The following IGF1R variants were observed in gnomAD, a reference collection of about 807,000 sequenced individuals.
The protein encoded by IGF1R is insulin-like growth factor 1 receptor.
IGF1R carries 44 observed loss-of-function variants against 144.6 expected under a neutral mutation model. That is an observed-to-expected ratio of 0.30 (90% confidence interval 0.24 to 0.39). The LOEUF is 0.39. IGF1R is among the 10% of genes least tolerant of loss of function. The pLI is 1.00. For missense variants in IGF1R, 1,355 were observed against 1,833.7 expected (o/e 0.74, Z 4.77); for synonymous variants, 795 against 722.8 (o/e 1.10, Z -1.60).
chr15:98,954,979 C>CA (rs2016922946), intron 20 of IGF1R, among the ~76,000 whole-genome samples: 1 of 152,106 alleles, frequency 6.6e-6, no homozygotes, highest in Non-Finnish European at 1.5e-5. Context: ...TTCCTTTTTC[C>CA]AGGATCGTTG....
chr15:98,720,388 G>C (rs1315037945), intron 2 of IGF1R, among the ~76,000 whole-genome samples: 1 of 152,168 alleles, frequency 6.6e-6, no homozygotes, highest in Non-Finnish European at 1.5e-5. Flanking sequence ...AGGTTGTTGG[G>C]GACCTCGGAT....
chr15:98,812,037 T>C (rs6598554), intron 2 of IGF1R, among the ~76,000 whole-genome samples: 63,718 of 152,192 alleles, frequency 0.42, 13,713 homozygotes, highest in Middle Eastern at 0.64. Context: ...GTTCTTTTAC[T>C]TGTTCTTTGT....
At chr15:98,752,055 G>A (rs142673556) in intron 2 of IGF1R, among the ~76,000 whole-genome samples, 3 of 152,322 alleles carry the variant, frequency 2.0e-5, no homozygotes, top group African/African-American at 7.2e-5. Flanking sequence ...CCTCTGTGCA[G>A]ACTTGTAGAC....
intron 1 of IGF1R, chr15:98,660,222 C>T (rs997250413): frequency 6.6e-6 from 1 of 152,224 alleles, no homozygotes; most frequent in African/African-American, 2.4e-5. Flanking sequence ...GTCTCTTTGT[C>T]TTGGCAGGTG....
At chr15:98,941,013 C>G (rs1029626676) in intron 18 of IGF1R, among the ~76,000 whole-genome samples, 2 of 152,246 alleles carry the variant, frequency 1.3e-5, no homozygotes, top group African/African-American at 4.8e-5. Context: ...CTCCTTCCCT[C>G]TCTGTAGAAC....
intron 1 of IGF1R, among the ~76,000 whole-genome samples, chr15:98,678,070 C>G (rs769692694): frequency 6.6e-6 from 1 of 152,046 alleles, no homozygotes; most frequent in Non-Finnish European, 1.5e-5. Context: ...GTCTTGTTTT[C>G]TTGGGTGATT....
At chr15:98,897,564 T>G (rs2014263152) in intron 4 of IGF1R, 1 of 152,884 alleles carries the variant, frequency 6.5e-6, no homozygotes, top group Non-Finnish European at 1.5e-5. Context: ...CTTCTTTGGT[T>G]TTTTGTGTGT....
chr15:98,914,479 C>T (rs2015155407), intron 8 of IGF1R, among the ~76,000 whole-genome samples: 1 of 152,194 alleles, frequency 6.6e-6, no homozygotes, highest in Non-Finnish European at 1.5e-5. Flanking sequence ...ATCTCCATGA[C>T]CCTGTAAGTG....
chr15:98,939,363 G>T lies in IGF1R; in HGVS notation c.3457+3G>T, dbSNP rs768528426. 3 of 1,614,082 alleles carry T rather than the reference G, an allele frequency of 1.9e-6. No individual in the cohort carries two copies. Among genetic ancestry groups the T allele is most frequent in the Non-Finnish European group, 2.5e-6 (3 of 1,179,984 alleles). On this transcript the variant is annotated splice_donor_region_variant and intron_variant, in intron 18 of 20. Coordinates refer to ENST00000650285, the MANE Select transcript of IGF1R (RefSeq NM_000875.5). ...AGATTTCACAGTCAAAATCGGAGGT[G>T]TGTCCTTAGCTTTCCAGGTCTGGGC...
chr15:98,649,756 G>A lies in IGF1R; in HGVS notation c.94+81G>A. On this transcript the variant is annotated intron_variant, in intron 1 of 20. Coordinates refer to ENST00000650285, the MANE Select transcript of IGF1R (RefSeq NM_000875.5). ...GCGCCCTGTTTGCGAAACCCGAGTT[G>A]CCACCGTCGCAGCTGTCGGGCCCCC... 2.8e-6 allele frequency: 3 copies of A among 1,081,534 alleles called. No individual in the cohort carries two copies. In the African/African-American group the frequency reaches 4.7e-5, roughly 17 times the overall value. The allele number at this position is 1,081,534 out of a possible 1,614,324, so 67.0% of individuals were successfully genotyped here.
chr15:98,778,131 A>G (rs1476226731), intron 2 of IGF1R, among the ~76,000 whole-genome samples: 2 of 152,166 alleles, frequency 1.3e-5, no homozygotes, highest in Non-Finnish European at 2.9e-5. Context: ...TGAGAACATG[A>G]GAGAGTGTTG....
intron 2 of IGF1R, among the ~76,000 whole-genome samples, chr15:98,807,243 T>C (rs967872714): frequency 4.6e-5 from 7 of 152,206 alleles, no homozygotes; most frequent in Non-Finnish European, 1.0e-4. Context: ...AAAGCTCAGA[T>C]TCCTGTAAGT....
At chr15:98,884,578 C>T (rs1851807349) in intron 2 of IGF1R, among the ~76,000 whole-genome samples, 1 of 149,528 alleles carries the variant, frequency 6.7e-6, no homozygotes, top group Non-Finnish European at 1.5e-5. Context: ...CCTGTAGTCC[C>T]AGCTACAGGA....
At chr15:98,798,078 T>C (rs1295910242) in intron 2 of IGF1R, among the ~76,000 whole-genome samples, 1 of 152,198 alleles carries the variant, frequency 6.6e-6, no homozygotes, top group Admixed American at 6.5e-5. Flanking sequence ...GCACCTGCTG[T>C]GTGCCAGGCA....
At chr15:98,672,638 CGTT>C (rs2052925864) in intron 1 of IGF1R, among the ~76,000 whole-genome samples, 1 of 150,022 alleles carries the variant, frequency 6.7e-6, no homozygotes, top group South Asian at 2.1e-4. Context: ...CCATGCTAAA[CGTT>C]GTATTTCTTC....
chr15:98,834,038 C>G (rs1247705631), intron 2 of IGF1R, among the ~76,000 whole-genome samples: 10 of 152,156 alleles, frequency 6.6e-5, no homozygotes, highest in Non-Finnish European at 2.9e-5. Context: ...TGAGGACTTG[C>G]CAGATGTCAT....
At chr15:98,872,029 C>T (rs1198730996) in intron 2 of IGF1R, among the ~76,000 whole-genome samples, 1 of 152,214 alleles carries the variant, frequency 6.6e-6, no homozygotes, top group African/African-American at 2.4e-5. Flanking sequence ...GCCTCAGCCC[C>T]CACCCTACCT....
At chr15:98,804,062 T>G (rs1348462513) in intron 2 of IGF1R, among the ~76,000 whole-genome samples, 1 of 152,194 alleles carries the variant, frequency 6.6e-6, no homozygotes, top group East Asian at 1.9e-4. Context: ...TCTAGCTATA[T>G]TCTATCCTTA....
chr15:98,681,922 G>T (rs2141215216), intron 1 of IGF1R, among the ~76,000 whole-genome samples: 1 of 152,234 alleles, frequency 6.6e-6, no homozygotes, highest in East Asian at 1.9e-4. Flanking sequence ...GATTTCTGTT[G>T]GGTCATGTGA....
Sources: allele counts gnomAD v4.1 joint callset (sites outside exome capture counted in the v4.1 genomes callset), GRCh38; gene constraint gnomAD v4.1.1; transcripts MANE v1.5; gene names NCBI Gene and HGNC (gene_info 2026-07-23, HGNC 2026-07-21).